Variants in C17orf114 observed in about 807,000 individuals in gnomAD.
C17orf114 encodes the protein uncharacterized protein C17orf114.
upstream of C17orf114, among the ~76,000 whole-genome samples, chr17:4,803,416 A>T (rs571350694): frequency 4.4e-4 from 33 of 75,466 alleles, no homozygotes; most frequent in South Asian, 0.011. Context: ...GTTTTTTTTA[A>T]TTTTTTTTTT....
chr17:4,803,369 C>A (rs529973443), upstream of C17orf114, among the ~76,000 whole-genome samples: 5 of 151,422 alleles, frequency 3.3e-5, no homozygotes, highest in East Asian at 9.7e-4. Context: ...CAGCTCACAA[C>A]CCTCACCTTG....
At chr17:4,802,735 T>A (rs2150662579), upstream of C17orf114, among the ~76,000 whole-genome samples, 1 of 151,420 alleles carries the variant, frequency 6.6e-6, no homozygotes, top group South Asian at 2.1e-4. Flanking sequence ...AGATGTAAAC[T>A]TTCAAAGAAT....
At chr17:4,803,731 T>TAAA (rs1905573758), upstream of C17orf114, among the ~76,000 whole-genome samples, 3 of 151,494 alleles carry the variant, frequency 2.0e-5, no homozygotes, top group Non-Finnish European at 4.4e-5. Flanking sequence ...CGGCCTTTTT[T>TAAA]TAATTTTTGA....
chr17:4,802,221 C>T (rs914616722), intron 1 of C17orf114, 26 bp downstream of exon 1: 13 of 399,290 alleles, frequency 3.3e-5, no homozygotes, highest in African/African-American at 1.6e-4. Flanking sequence ...CTGACAGCCC[C>T]GCTTTACCCT....
intron 1 of C17orf114, among the ~76,000 whole-genome samples, chr17:4,801,875 C>T (rs551350885): frequency 2.0e-5 from 3 of 151,878 alleles, no homozygotes; most frequent in South Asian, 2.1e-4. Context: ...GGACTACAGG[C>T]GCCCGCCACC....
upstream of C17orf114, chr17:4,802,468 G>C (rs545116228): frequency 2.5e-6 from 1 of 395,326 alleles, no homozygotes; most frequent in African/African-American, 2.1e-5. Context: ...AAAGGGGAGA[G>C]GAGGGAGGAA....
upstream of C17orf114, among the ~76,000 whole-genome samples, chr17:4,805,109 C>A (rs2150663651): frequency 6.6e-6 from 1 of 152,250 alleles, no homozygotes; most frequent in South Asian, 2.1e-4. Context: ...GATCTGATTT[C>A]CATCACTATA....
At chr17:4,804,542 G>A (rs1258987161), upstream of C17orf114, among the ~76,000 whole-genome samples, 3 of 151,232 alleles carry the variant, frequency 2.0e-5, no homozygotes, top group Non-Finnish European at 4.4e-5. Context: ...GTGCCACAAC[G>A]TGGGGAGTGT....
intron 1 of C17orf114, among the ~76,000 whole-genome samples, 195 bp downstream of exon 1, chr17:4,802,052 G>A (rs896913713): frequency 7.9e-5 from 12 of 152,070 alleles, no homozygotes; most frequent in African/African-American, 2.4e-4. Flanking sequence ...TGTTAACAAG[G>A]GGCCCCACTT....
chr17:4,803,342 C>T (rs773323102), upstream of C17orf114, among the ~76,000 whole-genome samples: 19 of 151,116 alleles, frequency 1.3e-4, no homozygotes, highest in South Asian at 1.3e-3. Context: ...AGTTATTAGC[C>T]GAGTAGGAAC....
upstream of C17orf114, chr17:4,806,783 C>A (rs1323277962): frequency 2.0e-5 from 3 of 151,134 alleles, no homozygotes; most frequent in East Asian, 3.9e-4. Flanking sequence ...GTCCCCCGGG[C>A]GCCGAGGCAG....
upstream of C17orf114, among the ~76,000 whole-genome samples, chr17:4,803,121 G>C (rs1057455336): frequency 6.6e-6 from 1 of 151,944 alleles, no homozygotes; most frequent in African/African-American, 2.4e-5. Context: ...GTTTCACCAT[G>C]TTAGCCAGGC....
chr17:4,801,486 G>A (rs549486050), intron 1 of C17orf114, 31 bp from the exon 2 acceptor site: 1 of 398,822 alleles, frequency 2.5e-6, no homozygotes, highest in Admixed American at 4.4e-5. Context: ...GGAAGTTGTA[G>A]GTCAGGGTTC....
At chr17:4,801,882 C>T (rs1410463775) in intron 1 of C17orf114, among the ~76,000 whole-genome samples, 2 of 152,048 alleles carry the variant, frequency 1.3e-5, no homozygotes, top group Admixed American at 1.3e-4. Flanking sequence ...AGGCGCCCGC[C>T]ACCACACCCG....
intron 1 of C17orf114, 109 bp from the exon 2 acceptor site, chr17:4,801,564 G>A (rs1459952731): frequency 2.5e-6 from 1 of 397,596 alleles, no homozygotes; most frequent in Non-Finnish European, 4.4e-6. Flanking sequence ...TGGGGCCTGG[G>A]GGCTGGTGAG....
At chr17:4,805,674 G>A (rs1234256411), upstream of C17orf114, among the ~76,000 whole-genome samples, 2 of 146,790 alleles carry the variant, frequency 1.4e-5, no homozygotes, top group East Asian at 2.1e-4. Flanking sequence ...GACTCTGGCC[G>A]GGCGCGGTGG....
At chr17:4,801,559 C>A (rs565926879) in intron 1 of C17orf114, 104 bp from the exon 2 acceptor site, 33 of 287,240 alleles carry the variant, frequency 1.1e-4, no homozygotes, top group East Asian at 1.1e-3. Context: ...ACACCTGGGG[C>A]CTGGGGGCTG....
chr17:4,802,104 T>C (rs952266035), intron 1 of C17orf114, 143 bp downstream of exon 1: 9 of 394,930 alleles, frequency 2.3e-5, no homozygotes, highest in African/African-American at 1.6e-4. Context: ...TAGCCTGTCC[T>C]GTGAGGACTT....
chr17:4,803,599 T>C (rs1905570085), upstream of C17orf114, among the ~76,000 whole-genome samples: 1 of 151,192 alleles, frequency 6.6e-6, no homozygotes, highest in South Asian at 2.1e-4. Flanking sequence ...TAATTTTTTT[T>C]GTATTTTTAG....
Sources: gnomAD v4.1 joint callset for allele counts (sites outside exome capture counted in the v4.1 genomes callset) on GRCh38, gnomAD v4.1.1 for gene constraint, MANE v1.5 for transcripts, NCBI Gene and HGNC (gene_info 2026-07-23, HGNC 2026-07-21) for gene names.